The following CAMTA1 variants were observed in gnomAD, a reference collection of about 807,000 sequenced individuals.
CAMTA1 encodes the protein calmodulin-binding transcription activator 1.
In CAMTA1, 27 loss-of-function variants were observed where a neutral mutation model predicts 170.9. That is an observed-to-expected ratio of 0.16 (90% CI 0.12 to 0.22). The LOEUF (loss-of-function observed/expected upper bound fraction) is 0.22, where lower values mean the gene tolerates loss of function less well. CAMTA1 is among the 10% of genes least tolerant of loss of function. The pLI, the probability that CAMTA1 is intolerant of heterozygous loss-of-function variation, is 1.00. For missense variants in CAMTA1, 1,619 were observed against 2,217.2 expected (o/e 0.73, Z 5.42); for synonymous variants, 833 against 891.5 (o/e 0.93, Z 1.17).
intron 6 of CAMTA1, among the ~76,000 whole-genome samples, chr1:7,479,534 C>T (rs1003077425): frequency 6.6e-6 from 1 of 152,174 alleles, no homozygotes; most frequent in Non-Finnish European, 1.5e-5. Context: ...GAGCTGTCCT[C>T]TCACTCCACC....
chr1:7,755,351 A>T (rs1187892502), intron 21 of CAMTA1, among the ~76,000 whole-genome samples: 1 of 148,726 alleles, frequency 6.7e-6, no homozygotes, highest in East Asian at 1.9e-4. Flanking sequence ...AAAAAAAAAA[A>T]AGGAAAACCT....
intron 11 of CAMTA1, among the ~76,000 whole-genome samples, chr1:7,689,402 T>A (rs561539639): frequency 7.0e-6 from 1 of 142,030 alleles, no homozygotes; most frequent in African/African-American, 2.6e-5. Flanking sequence ...GATGAAACCC[T>A]GTCTTGACAA....
At chr1:6,959,617 G>T (rs1476709886) in intron 3 of CAMTA1, among the ~76,000 whole-genome samples, 4 of 152,192 alleles carry the variant, frequency 2.6e-5, no homozygotes, top group Non-Finnish European at 5.9e-5. Context: ...AGTATTTATT[G>T]TTAATAAAAG....
At chr1:7,647,190 G>A (rs570386287) in intron 7 of CAMTA1, among the ~76,000 whole-genome samples, 1 of 151,424 alleles carries the variant, frequency 6.6e-6, no homozygotes, top group African/African-American at 2.4e-5. Flanking sequence ...GGAGGCCCTC[G>A]CTGTTGCCAG....
At chr1:7,419,420 G>T (rs902815607) in intron 5 of CAMTA1, among the ~76,000 whole-genome samples, 9 of 152,146 alleles carry the variant, frequency 5.9e-5, no homozygotes, top group Admixed American at 5.9e-4. Flanking sequence ...GCCTCCCAAA[G>T]TGCTGGGATT....
intron 15 of CAMTA1, 113 bp from the exon 16 acceptor site, chr1:7,737,846 T>C: frequency 9.2e-7 from 1 of 1,090,334 alleles, no homozygotes; most frequent in South Asian, 1.6e-5. Flanking sequence ...TAGGGACGTG[T>C]CTTGAGTTCC....
At chr1:6,868,318 T>TTA (rs1553169531) in intron 3 of CAMTA1, among the ~76,000 whole-genome samples, 13 of 134,126 alleles carry the variant, frequency 9.7e-5, no homozygotes, top group Non-Finnish European at 1.9e-4. Flanking sequence ...TTTTTTTTTT[T>TTA]AAAAACAAAA....
intron 5 of CAMTA1, among the ~76,000 whole-genome samples, chr1:7,343,632 G>T (rs547657670): frequency 6.6e-6 from 1 of 152,112 alleles, no homozygotes; most frequent in Non-Finnish European, 1.5e-5. Flanking sequence ...GCTCTTCTCT[G>T]TCCCTCCCCG....
At chr1:7,512,956 G>A (rs1212725916) in intron 6 of CAMTA1, among the ~76,000 whole-genome samples, 1 of 152,212 alleles carries the variant, frequency 6.6e-6, no homozygotes, top group Non-Finnish European at 1.5e-5. Context: ...GAAAGTGCCA[G>A]AAGGGAAGAT....
chr1:7,344,720 A>G (rs900855144), intron 5 of CAMTA1, among the ~76,000 whole-genome samples: 3 of 149,670 alleles, frequency 2.0e-5, no homozygotes, highest in Non-Finnish European at 4.4e-5. Context: ...ATTATTGGCC[A>G]TGTGTTTCTC....
intron 11 of CAMTA1, among the ~76,000 whole-genome samples, chr1:7,684,330 C>T (rs1307378853): frequency 1.3e-5 from 2 of 152,208 alleles, no homozygotes; most frequent in African/African-American, 2.4e-5. Flanking sequence ...ATGACTATGG[C>T]AGCTCAGACC....
chr1:6,953,004 C>A (rs1424992076), intron 3 of CAMTA1, among the ~76,000 whole-genome samples: 1 of 138,098 alleles, frequency 7.2e-6, no homozygotes, highest in African/African-American at 2.5e-5. Flanking sequence ...AACCCCAGGG[C>A]ATATGTGTGT....
At chr1:7,109,216 C>T (rs138281177) in intron 4 of CAMTA1, among the ~76,000 whole-genome samples, 2 of 152,354 alleles carry the variant, frequency 1.3e-5, no homozygotes, top group African/African-American at 4.8e-5. Flanking sequence ...ACATTAAGTC[C>T]AGCTCCTGTC....
chr1:6,813,872 T>C (rs659459), intron 1 of CAMTA1, among the ~76,000 whole-genome samples: 32,309 of 152,138 alleles, frequency 0.21, 4,048 homozygotes, highest in Non-Finnish European at 0.28. Flanking sequence ...GGTGGCCTTA[T>C]AGGAAGAGAT....
intron 6 of CAMTA1, among the ~76,000 whole-genome samples, chr1:7,485,186 C>T (rs1186826863): frequency 1.3e-5 from 2 of 152,220 alleles, no homozygotes; most frequent in Non-Finnish European, 2.9e-5. Flanking sequence ...TCCCTGTGTC[C>T]CCTGATGTCT....
intron 6 of CAMTA1, among the ~76,000 whole-genome samples, 195 bp from the exon 7 acceptor site, chr1:7,640,205 A>ACC (rs2095749889): frequency 1.3e-5 from 2 of 152,114 alleles, no homozygotes; most frequent in African/African-American, 4.8e-5. Flanking sequence ...GAGGCCAGCG[A>ACC]GTCTGCTAAT....
chr1:7,540,715 C>G (rs2094600132), intron 6 of CAMTA1, among the ~76,000 whole-genome samples: 1 of 142,654 alleles, frequency 7.0e-6, no homozygotes, highest in Non-Finnish European at 1.5e-5. Flanking sequence ...AACACGTGGG[C>G]CAGTTGAGGG....
At chr1:7,573,779 T>C (rs972869123) in intron 6 of CAMTA1, among the ~76,000 whole-genome samples, 21 of 152,108 alleles carry the variant, frequency 1.4e-4, no homozygotes, top group African/African-American at 4.6e-4. Flanking sequence ...TTTGGGTTTG[T>C]TCTTGTTGTT....
chr1:7,234,142 A>G lies in CAMTA1; in HGVS notation c.303-15349A>G, dbSNP rs371292730. On this transcript the variant is annotated intron_variant, in intron 4 of 22. Transcript: ENST00000303635. The surrounding 1 kb of genome is among the most constrained non-coding windows in gnomAD (Gnocchi z 5.0). Reference sequence around the variant, plus strand: ...AATCCACCCTGGTTCAGGAGCCCAGATTACTTGGGGTGAGCCGCTCTCTCG... The same window carrying G: ...AATCCACCCTGGTTCAGGAGCCCAGGTTACTTGGGGTGAGCCGCTCTCTCG... Among the ~76,000 whole-genome samples, 54 of 152,100 alleles carry G rather than the reference A, an allele frequency of 3.6e-4. 1 individual carries two copies. In the South Asian group the frequency reaches 0.011, roughly 31 times the overall value.
Sources: allele counts gnomAD v4.1 joint callset (sites outside exome capture counted in the v4.1 genomes callset), GRCh38; gene constraint gnomAD v4.1.1; non-coding constraint Gnocchi (gnomAD v3.1); transcripts MANE v1.5; gene names NCBI Gene and HGNC (gene_info 2026-07-23, HGNC 2026-07-21).